Variants in PGPEP1 observed in about 807,000 individuals in gnomAD.
PGPEP1 encodes pyroglutamyl-peptidase 1.
PGPEP1 carries 15 observed loss-of-function variants against 24.1 expected under a neutral mutation model. The observed-to-expected ratio is 0.62, with a 90% CI of 0.42 to 0.96. The LOEUF (loss-of-function observed/expected upper bound fraction) is 0.96. PGPEP1 is among the 40% of genes least tolerant of loss of function. The pLI, the probability that PGPEP1 is intolerant of heterozygous loss-of-function variation, is 0.00. For synonymous variants in PGPEP1, 122 were observed against 116.4 expected, an observed-to-expected ratio of 1.05 and a Z score of -0.31; for missense variants, 242 against 273.4, an observed-to-expected ratio of 0.89 and a Z score of 0.81.
In PGPEP1 at chr19:18,347,270, C is replaced by CTTTTTTTTTTTTTT. The variant is rs59936417; in HGVS notation, c.87+4364_87+4377dup. Among the ~76,000 whole-genome samples, 403 of 94,368 alleles carry CTTTTTTTTTTTTTT rather than the reference C, an allele frequency of 4.3e-3. 3 individuals are homozygous for CTTTTTTTTTTTTTT. The highest frequency in any genetic ancestry group is 5.7e-3 in the Non-Finnish European group (293 of 51,274). The allele number at this position is 94,368 out of a possible 152,430, so 61.9% of individuals were successfully genotyped here. ...CTAATTTTTTTTTCTTTCTTTCTTT[C>CTTTTTTTTTTTTTT]TTTTTTTTTTTTTTTTTTGTAGAGA... On this transcript the variant is annotated intron_variant, in intron 2 of 4. Coordinates refer to ENST00000269919, the MANE Select transcript of PGPEP1 (RefSeq NM_017712.4).
At chr19:18,354,071 C>T (rs1237626965) in intron 2 of PGPEP1, among the ~76,000 whole-genome samples, 2 of 152,076 alleles carry the variant, frequency 1.3e-5, no homozygotes, top group African/African-American at 4.8e-5. Context: ...CCCATCTCTA[C>T]TAAAAATACA....
chr19:18,346,425 G>T (rs1970845092), intron 2 of PGPEP1, among the ~76,000 whole-genome samples: 1 of 152,198 alleles, frequency 6.6e-6, no homozygotes, highest in African/African-American at 2.4e-5. Context: ...ATTGCTTCCT[G>T]CCGTGACCGA....
chr19:18,356,925 C>T (rs1054128030), intron 3 of PGPEP1, among the ~76,000 whole-genome samples: 5 of 152,082 alleles, frequency 3.3e-5, no homozygotes, highest in Admixed American at 2.0e-4. Context: ...GTAATCCCAG[C>T]TACTTGGGAG....
chr19:18,350,679 C>A (rs1464816302), intron 2 of PGPEP1, among the ~76,000 whole-genome samples: 1 of 152,196 alleles, frequency 6.6e-6, no homozygotes, highest in African/African-American at 2.4e-5. Flanking sequence ...TATTATGCAG[C>A]AGAGAAAAGG....
At chr19:18,345,742 AAAAG>A (rs569848927) in intron 2 of PGPEP1, among the ~76,000 whole-genome samples, 44 of 150,912 alleles carry the variant, frequency 2.9e-4, no homozygotes, top group Middle Eastern at 3.5e-3. Flanking sequence ...AAAAAAAAAA[AAAAG>A]AAAAGAAATT....
At chr19:18,361,511 A>T (rs1971349397) in intron 4 of PGPEP1, among the ~76,000 whole-genome samples, 1 of 151,354 alleles carries the variant, frequency 6.6e-6, no homozygotes, top group Non-Finnish European at 1.5e-5. Flanking sequence ...TCTCGAACTC[A>T]TGGAGTCAAG....
chr19:18,349,715 G>T (rs1235720181), intron 2 of PGPEP1, among the ~76,000 whole-genome samples: 1 of 152,096 alleles, frequency 6.6e-6, no homozygotes, highest in Non-Finnish European at 1.5e-5. Context: ...TTCCTTCCTT[G>T]CCCAGAAGGT....
At chr19:18,362,997 G>C (rs1971387833) in intron 4 of PGPEP1, among the ~76,000 whole-genome samples, 1 of 151,352 alleles carries the variant, frequency 6.6e-6, no homozygotes, top group Non-Finnish European at 1.5e-5. Flanking sequence ...TTCCCCACAT[G>C]TGCCACAGCA....
chr19:18,352,482 C>T (rs960237729), intron 2 of PGPEP1, among the ~76,000 whole-genome samples: 47 of 151,432 alleles, frequency 3.1e-4, no homozygotes, highest in Non-Finnish European at 6.3e-4. Flanking sequence ...TGCCCTGTCA[C>T]CTCTGTGGTG....
chr19:18,362,197 A>G (rs1971363408), intron 4 of PGPEP1, among the ~76,000 whole-genome samples: 1 of 151,916 alleles, frequency 6.6e-6, no homozygotes, highest in Non-Finnish European at 1.5e-5. Context: ...ACTCGAGGTC[A>G]GGCGTTCCAG....
At chr19:18,356,369 G>T (rs1297155604) in intron 3 of PGPEP1, among the ~76,000 whole-genome samples, 1 of 152,110 alleles carries the variant, frequency 6.6e-6, no homozygotes, top group East Asian at 1.9e-4. Flanking sequence ...GGGAGGCGGA[G>T]GTTGCGGTGA....
At chr19:18,343,210 G>A (rs1970724781) in intron 2 of PGPEP1, among the ~76,000 whole-genome samples, 2 of 152,008 alleles carry the variant, frequency 1.3e-5, no homozygotes, top group South Asian at 4.2e-4. Flanking sequence ...ATGTTGGCCA[G>A]GCTGGTCTCG....
chr19:18,363,326 G>A, intron 4 of PGPEP1, 65 bp from the exon 5 acceptor site: 1 of 1,362,178 alleles, frequency 7.3e-7, no homozygotes, highest in South Asian at 1.3e-5. Flanking sequence ...TGTCACCTTG[G>A]TCTACGGATT....
intron 1 of PGPEP1, among the ~76,000 whole-genome samples, chr19:18,342,303 G>A (rs1970693320): frequency 6.6e-6 from 1 of 152,146 alleles, no homozygotes; most frequent in African/African-American, 2.4e-5. Context: ...CCTGCTCCTG[G>A]AAACTGGGCC....
At chr19:18,354,554 G>A (rs1310669270) in intron 2 of PGPEP1, among the ~76,000 whole-genome samples, 7 of 152,142 alleles carry the variant, frequency 4.6e-5, no homozygotes, top group Non-Finnish European at 4.4e-5. Context: ...GTCTCACCCT[G>A]CTGCCCAGGC....
chr19:18,365,289 G>A lies in PGPEP1; in HGVS notation c.*1706G>A, dbSNP rs2144591107. On this transcript the variant is annotated 3_prime_UTR_variant, in exon 5 of 5. Coordinates refer to ENST00000269919, the MANE Select transcript of PGPEP1 (RefSeq NM_017712.4). ...AGGAATGTGGCTATACTGCTTCCCT[G>A]AGTGTGACACAGTTGGAATCTAATC... 1 of 152,312 alleles carries A rather than the reference G, an allele frequency of 6.6e-6. No homozygotes were observed. The highest frequency in any genetic ancestry group is 2.1e-4 in the South Asian group (1 of 4,816). 9.4% of individuals were successfully genotyped at this position (152,312 alleles called of 1,614,324 possible). A position where few individuals can be genotyped will look rare whatever the true frequency, so the allele number is the denominator to read the frequency against.
At chr19:18,361,380 C>T (rs1294093795) in intron 4 of PGPEP1, among the ~76,000 whole-genome samples, 2 of 151,874 alleles carry the variant, frequency 1.3e-5, no homozygotes, top group Non-Finnish European at 2.9e-5. Flanking sequence ...CTCAGGTGAT[C>T]CACCCGCCTT....
intron 2 of PGPEP1, among the ~76,000 whole-genome samples, chr19:18,353,117 C>T (rs1191643403): frequency 6.6e-6 from 1 of 151,932 alleles, no homozygotes; most frequent in Non-Finnish European, 1.5e-5. Context: ...CGGGGTTTCA[C>T]CACGTTGGCC....
Position 18,363,487 on chromosome 19 carries a change from G to A in PGPEP1, c.534G>A (p.Ala178=), listed in dbSNP as rs140287780. ...CCCCACTGGGGAAGCCGTACAACGC[G>A]GACCAGCTGGGCAGGGCACTGAGAG... is the stretch of plus-strand genomic sequence containing the variant. ...HVPPLGKPYN[A]DQLGRALRAI... The change falls in exon 5 of 5, where the codon GCG becomes GCA. Residue 178 remains alanine (A), a synonymous_variant. Coordinates refer to ENST00000269919, the MANE Select transcript of PGPEP1 (RefSeq NM_017712.4). 6.6e-5 allele frequency: 107 copies of A among 1,614,166 alleles called. No individual in the cohort carries two copies. Among genetic ancestry groups the A allele is most frequent in the Non-Finnish European group, 8.1e-5 (95 of 1,180,004 alleles).
Sources: gnomAD v4.1 joint callset for allele counts (sites outside exome capture counted in the v4.1 genomes callset) on GRCh38, gnomAD v4.1.1 for gene constraint, MANE v1.5 for transcripts, NCBI Gene and HGNC (gene_info 2026-07-23, HGNC 2026-07-21) for gene names.